The following TNRC6C variants were observed in gnomAD, a reference collection of about 807,000 sequenced individuals.
TNRC6C encodes the protein trinucleotide repeat-containing gene 6C protein.
A neutral mutation model predicts 153.7 loss-of-function variants in TNRC6C; 20 were observed. That is an observed-to-expected ratio of 0.13 (90% confidence interval 0.09 to 0.19). The LOEUF (loss-of-function observed/expected upper bound fraction) is 0.19, where lower values mean the gene tolerates loss of function less well. Among genes scored for constraint, TNRC6C ranks in the 10% least tolerant of loss-of-function variants. The pLI, the probability that TNRC6C is intolerant of heterozygous loss-of-function variation, is 1.00. For synonymous variants in TNRC6C, 811 were observed against 841.4 expected, an observed-to-expected ratio of 0.96 and a Z score of 0.63; for missense variants, 1,987 against 2,172.0, an observed-to-expected ratio of 0.91 and a Z score of 1.69.
chr17:78,023,023 C>T lies in TNRC6C; in HGVS notation c.-545-8493C>T, dbSNP rs529009825. On this transcript the variant is annotated intron_variant, in intron 1 of 19. Coordinates refer to ENST00000301624, the Ensembl canonical transcript of TNRC6C. ...TAGGAGAGCTGGGCATGGTGGTATG[C>T]ACCTATTGTCCCAGCTATTTGGGAG... 2.5e-4 allele frequency among the ~76,000 whole-genome samples: 38 copies of T among 152,146 alleles called. No homozygotes were observed. In the South Asian group the frequency reaches 5.6e-3, roughly 22 times the overall value.
At chr17:78,007,320 T>C (rs771556093) in intron 1 of TNRC6C, among the ~76,000 whole-genome samples, 1 of 152,242 alleles carries the variant, frequency 6.6e-6, no homozygotes. Context: ...TTTTGAATTA[T>C]AAATAATCTA....
chr17:78,048,168 TATG>T (rs1220424466), intron 2 of TNRC6C, among the ~76,000 whole-genome samples: 1 of 152,090 alleles, frequency 6.6e-6, no homozygotes, highest in Non-Finnish European at 1.5e-5. Context: ...TTTTTTTTAT[TATG>T]AATGTGCAGG....
Position 78,104,982 on chromosome 17 carries a change from C to T in TNRC6C, c.*137C>T. 1 of 1,200,998 alleles carries T rather than the reference C, an allele frequency of 8.3e-7. No homozygotes were observed. The highest frequency in any genetic ancestry group is 1.1e-6 in the Non-Finnish European group (1 of 934,282). The allele number at this position is 1,200,998 out of a possible 1,614,324, so 74.4% of individuals were successfully genotyped here. The stretch of plus-strand genomic sequence containing the variant: ...GTCCAGGACTGAAGACGAACCTTGG[C>T]CGCAGTCCTTGCGAACTGTTCGCAA... On this transcript the variant is annotated 3_prime_UTR_variant, in exon 20 of 20. Transcript: ENST00000301624. The surrounding 1 kb of genome is among the most constrained non-coding windows in gnomAD (Gnocchi z 6.2).
chr17:77,980,219 C>G (rs1303880180), intron 1 of TNRC6C, among the ~76,000 whole-genome samples: 1 of 152,212 alleles, frequency 6.6e-6, no homozygotes, highest in Non-Finnish European at 1.5e-5. Context: ...AGCAAACCAC[C>G]ATGGCACACG....
rs8080373 is a variant in TNRC6C at position 78,018,584 on chromosome 17, C to T, written c.-545-12932C>T. On this transcript the variant is annotated intron_variant, in intron 1 of 19. Transcript: ENST00000301624. ...GTAGGCAGATTGCATGGGAAAACAA[C>T]GAGTTTGAGCCCTTATTTACCGTGC... is the stretch of plus-strand genomic sequence containing the variant. 2.1e-3 allele frequency among the ~76,000 whole-genome samples: 318 copies of T among 152,198 alleles called. 4 individuals carry two copies. Among genetic ancestry groups the T allele is most frequent in the African/African-American group, 7.0e-3 (289 of 41,502 alleles).
intron 1 of TNRC6C, among the ~76,000 whole-genome samples, chr17:78,030,512 G>A (rs981155022): frequency 5.3e-5 from 8 of 152,164 alleles, no homozygotes; most frequent in East Asian, 1.9e-4. Flanking sequence ...ACATTGCAAC[G>A]GCTGTGTCAC....
chr17:77,991,497 G>A (rs2071249387), intron 1 of TNRC6C, among the ~76,000 whole-genome samples: 6 of 152,106 alleles, frequency 3.9e-5, no homozygotes, highest in Non-Finnish European at 8.8e-5. Context: ...TCACTTGAAT[G>A]TGAACAGAAA....
At chr17:77,959,540 C>T (rs1012715314) in intron 1 of TNRC6C, among the ~76,000 whole-genome samples, 9 of 152,226 alleles carry the variant, frequency 5.9e-5, no homozygotes, top group South Asian at 4.1e-4. Context: ...GATGGATGTG[C>T]CCCCTCCCTT....
At chr17:78,048,711 A>T in intron 2 of TNRC6C, 134 bp from the exon 5 acceptor site, 1 of 878,132 alleles carries the variant, frequency 1.1e-6, no homozygotes, top group Non-Finnish European at 1.5e-6. Context: ...TTTTTTCTTT[A>T]AGTCATTTTT....
chr17:78,086,948 G>T, exon 13 of TNRC6C: 1 of 1,611,740 alleles, frequency 6.2e-7, no homozygotes. Context: ...CACCGCCACC[G>T]CCCCCGCCGC....
At chr17:77,982,225 C>T (rs76042422) in intron 1 of TNRC6C, among the ~76,000 whole-genome samples, 4,207 of 152,140 alleles carry the variant, frequency 0.028, 177 homozygotes, top group African/African-American at 0.096. Flanking sequence ...GTGAGCCACC[C>T]GGTCTATGGT....
chr17:77,965,734 T>A (rs983058856), intron 1 of TNRC6C, among the ~76,000 whole-genome samples: 2 of 152,226 alleles, frequency 1.3e-5, no homozygotes, highest in African/African-American at 2.4e-5. Context: ...CATACACATA[T>A]TAAAAAGTTG....
chr17:78,048,465 T>C (rs76788315), intron 2 of TNRC6C, among the ~76,000 whole-genome samples: 9,550 of 152,234 alleles, frequency 0.063, 753 homozygotes, highest in African/African-American at 0.19. Context: ...TTCAAAACTC[T>C]ACGTGAACTT....
chr17:78,038,490 G>A (rs925303280), intron 2 of TNRC6C, among the ~76,000 whole-genome samples: 17 of 151,766 alleles, frequency 1.1e-4, no homozygotes, highest in Non-Finnish European at 2.2e-4. Flanking sequence ...TGGCTAACAC[G>A]GTGAAACCCC....
intron 6 of TNRC6C, among the ~76,000 whole-genome samples, 191 bp downstream of exon 8, chr17:78,071,356 C>G (rs1254146699): frequency 6.6e-6 from 1 of 152,158 alleles, no homozygotes; most frequent in Non-Finnish European, 1.5e-5. Context: ...TTGCTTTGAA[C>G]TACAGCAAAG....
intron 3 of TNRC6C, among the ~76,000 whole-genome samples, chr17:78,053,092 GC>G (rs911809343): frequency 3.9e-5 from 6 of 152,020 alleles, no homozygotes; most frequent in Non-Finnish European, 5.9e-5. Context: ...ATGTCACGTT[GC>G]CCCCCGACCC....
chr17:78,056,801 C>T (rs531631148), intron 3 of TNRC6C, among the ~76,000 whole-genome samples: 1 of 143,610 alleles, frequency 7.0e-6, no homozygotes, highest in Non-Finnish European at 1.6e-5. Context: ...GTAGCCAAAA[C>T]ATGGGAGCTT....
chr17:78,075,778 C>T lies in TNRC6C; in HGVS notation c.3060+500C>T, dbSNP rs1382539614. Among the ~76,000 whole-genome samples the T allele has an allele frequency of 1.3e-5, 2 of 152,132 alleles. No homozygotes were observed. Among genetic ancestry groups the T allele is most frequent in the East Asian group, 3.8e-4 (2 of 5,202 alleles). ...TTAGCCAGTCCGGTCACAGCTCAGCCCCCAGTGTTGTCATGTAATGATGTC... is the reference window on the plus strand; with the variant it reads ...TTAGCCAGTCCGGTCACAGCTCAGCTCCCAGTGTTGTCATGTAATGATGTC... On this transcript the variant is annotated intron_variant, in intron 8 of 19. Coordinates refer to ENST00000301624, the Ensembl canonical transcript of TNRC6C. This position sits in a 1 kb window ranked among gnomAD's most constrained non-coding sequence, Gnocchi z 4.2.
intron 1 of TNRC6C, among the ~76,000 whole-genome samples, chr17:77,984,877 A>AT (rs1488280433): frequency 6.6e-6 from 1 of 152,130 alleles, no homozygotes; most frequent in African/African-American, 2.4e-5. Flanking sequence ...TATAGTAAGT[A>AT]TCTACTTTCT....
Sources: gnomAD v4.1 joint callset for allele counts (sites outside exome capture counted in the v4.1 genomes callset) on GRCh38, gnomAD v4.1.1 for gene constraint, Gnocchi (gnomAD v3.1) non-coding constraint, MANE v1.5 for transcripts, NCBI Gene and HGNC (gene_info 2026-07-23, HGNC 2026-07-21) for gene names.